CDH2: variants seen among roughly 807,000 people sequenced by gnomAD.
The protein encoded by CDH2 is cadherin 2, also known as cadherin-2.
Under a neutral mutation model 92.0 loss-of-function variants are expected in CDH2, and 17 were observed. The observed-to-expected ratio is 0.18, with a 90% CI of 0.13 to 0.28. The LOEUF (loss-of-function observed/expected upper bound fraction) is 0.28, where lower values mean the gene tolerates loss of function less well. Ranked by LOEUF, CDH2 falls within the 10% of genes least tolerant of loss-of-function variation. The probability of loss-of-function intolerance (pLI) is 1.00; values close to 1 mark genes in which losing one functional copy is unlikely to be tolerated. For missense variants in CDH2, 862 were observed against 1,133.1 expected (o/e 0.76, Z 3.44); for synonymous variants, 419 against 415.9 (o/e 1.01, Z -0.09).
At chr18:28,108,680 C>A (rs1262290268) in intron 2 of CDH2, among the ~76,000 whole-genome samples, 1 of 151,770 alleles carries the variant, frequency 6.6e-6, no homozygotes, top group African/African-American at 2.4e-5. Context: ...CAAGTTTATT[C>A]TGTGATACTA....
At chr18:28,132,645 C>G (rs910324248) in intron 2 of CDH2, among the ~76,000 whole-genome samples, 2 of 152,096 alleles carry the variant, frequency 1.3e-5, no homozygotes, top group Non-Finnish European at 2.9e-5. Flanking sequence ...TGGACTTAGC[C>G]CCTCCTAAAG....
intron 15 of CDH2, among the ~76,000 whole-genome samples, chr18:27,957,999 ATAAT>A (rs954510640): frequency 1.1e-4 from 16 of 152,316 alleles, no homozygotes; most frequent in Admixed American, 2.0e-4. Flanking sequence ...GACACCAATA[ATAAT>A]TAAGAGATTT....
intron 2 of CDH2, among the ~76,000 whole-genome samples, chr18:28,070,382 T>C (rs2014592944): frequency 6.6e-6 from 1 of 152,130 alleles, no homozygotes; most frequent in African/African-American, 2.4e-5. Flanking sequence ...CTGCTAAAGC[T>C]TGAGAAAGTA....
At chr18:28,043,497 T>A (rs1838160) in intron 2 of CDH2, among the ~76,000 whole-genome samples, 1 of 79,374 alleles carries the variant, frequency 1.3e-5, no homozygotes, top group Non-Finnish European at 2.6e-5. Context: ...TATATATAAA[T>A]ATATATATAT....
At chr18:27,979,307 T>TA (rs2011960108) in intron 14 of CDH2, among the ~76,000 whole-genome samples, 1 of 152,138 alleles carries the variant, frequency 6.6e-6, no homozygotes, top group African/African-American at 2.4e-5. Context: ...GCCTAAATTT[T>TA]AAAAGACTGA....
chr18:28,142,280 TG>T (rs1024034417), intron 2 of CDH2, among the ~76,000 whole-genome samples: 4 of 151,974 alleles, frequency 2.6e-5, no homozygotes, highest in African/African-American at 9.7e-5. Flanking sequence ...GTTCTAAGTT[TG>T]TGAGGGAAGA....
At chr18:28,140,821 A>T (rs1038645291) in intron 2 of CDH2, among the ~76,000 whole-genome samples, 18 of 150,816 alleles carry the variant, frequency 1.2e-4, no homozygotes, top group Non-Finnish European at 2.1e-4. Flanking sequence ...AAGTCTTACG[A>T]CTCAAAAACA....
intron 2 of CDH2, among the ~76,000 whole-genome samples, chr18:28,124,451 T>C (rs2015641919): frequency 6.6e-6 from 1 of 152,114 alleles, no homozygotes; most frequent in Admixed American, 6.6e-5. Context: ...TGTTTCCCAA[T>C]TTCTGTTAGC....
intron 2 of CDH2, among the ~76,000 whole-genome samples, chr18:28,093,434 G>T (rs1253167105): frequency 6.6e-6 from 1 of 151,912 alleles, no homozygotes; most frequent in Non-Finnish European, 1.5e-5. Context: ...AAAATTCTGG[G>T]AATCAATAAT....
At chr18:28,073,507 C>T (rs2014659871) in intron 2 of CDH2, among the ~76,000 whole-genome samples, 2 of 152,060 alleles carry the variant, frequency 1.3e-5, no homozygotes, top group Non-Finnish European at 1.5e-5. Context: ...AAAACTGTCC[C>T]TTACAATGAG....
chr18:28,143,564 G>T (rs1353810014), intron 2 of CDH2, among the ~76,000 whole-genome samples: 9 of 151,716 alleles, frequency 5.9e-5, no homozygotes, highest in Non-Finnish European at 1.3e-4. Flanking sequence ...TCCCCAATTC[G>T]CAAACATATC....
chr18:28,050,639 T>C (rs1031650181), intron 2 of CDH2, among the ~76,000 whole-genome samples: 2 of 152,172 alleles, frequency 1.3e-5, no homozygotes, highest in African/African-American at 4.8e-5. Context: ...TTAAAAATGT[T>C]TAAAGGGGAA....
rs544450561 is a variant in CDH2 at position 28,149,090 on chromosome 18, C to T, written c.61-1306G>A. Among the ~76,000 whole-genome samples, 6 of 152,178 alleles carry T rather than the reference C, an allele frequency of 3.9e-5. No homozygotes were observed. In the East Asian group the frequency reaches 9.7e-4, roughly 25 times the overall value. On this transcript the variant is annotated intron_variant, in intron 1 of 15. Coordinates refer to ENST00000269141, the MANE Select transcript of CDH2 (RefSeq NM_001792.5). ...GTGAAGAATAAAGAAGAACCAGTCCCCTAAAAAGGTGTGAGTGGAAGCTGG... is the reference window on the plus strand; with the variant it reads ...GTGAAGAATAAAGAAGAACCAGTCCTCTAAAAAGGTGTGAGTGGAAGCTGG...
downstream of CDH2, among the ~76,000 whole-genome samples, chr18:27,948,605 TAACTC>T (rs60321586): frequency 2.3e-3 from 342 of 151,632 alleles, 3 homozygotes; most frequent in African/African-American, 7.4e-3. Flanking sequence ...AAAACACAAA[TAACTC>T]AACAGGGAAA....
At chr18:28,113,045 C>A (rs2015437859) in intron 2 of CDH2, among the ~76,000 whole-genome samples, 1 of 152,096 alleles carries the variant, frequency 6.6e-6, no homozygotes, top group Non-Finnish European at 1.5e-5. Flanking sequence ...GATAATAAAT[C>A]TCCTTTCAAT....
Position 28,009,853 on chromosome 18 carries a change from T to C in CDH2, c.566A>G (p.Lys189Arg). 1 of 1,612,830 alleles carries C rather than the reference T, an allele frequency of 6.2e-7. No individual in the cohort carries two copies. Among genetic ancestry groups the C allele is most frequent in the South Asian group, 1.1e-5 (1 of 90,774 alleles). Residue 189 changes from lysine to arginine, a missense_variant, in exon 5 of 16, where the codon AAA (lysine) becomes AGA (arginine). Lys to Arg is a conservative substitution (Grantham distance 26). Around this residue, in one of 5 missense-constraint regions of CDH2, gnomAD observed 21 missense variants for 61.8 expected, o/e 0.34. Transcript: ENST00000269141. ...ELVRIRSDRDKNLSLRYSVTG... is the reference protein window; with the variant it reads ...ELVRIRSDRDRNLSLRYSVTG... ...TACACTGTACCGCAGTGAAAGGTTT[T>C]TATCTCTATCAGACCTGATCTGAGG...
At chr18:28,023,040 G>GT (rs1335181074) in intron 2 of CDH2, among the ~76,000 whole-genome samples, 1 of 151,888 alleles carries the variant, frequency 6.6e-6, no homozygotes, top group East Asian at 1.9e-4. Context: ...TTGAAAAAAG[G>GT]TATCTTTTTA....
At position 28,085,420 on chromosome 18, in the gene CDH2, G is replaced by A. The variant is rs72882699; in HGVS notation, c.172+62253C>T. ...CTTGTTCACCTGCTCCTCTGCACAC[G>A]CGTGATTTTCCACCTCAGTATCCTC... On this transcript the variant is annotated intron_variant, in intron 2 of 15. Transcript: ENST00000269141. Among the ~76,000 whole-genome samples the A allele has an allele frequency of 8.7e-3, 1,323 of 152,078 alleles. 6 individuals carry two copies. The highest frequency in any genetic ancestry group is 0.012 in the African/African-American group (482 of 41,506).
intron 2 of CDH2, among the ~76,000 whole-genome samples, chr18:28,052,334 A>G (rs2014208341): frequency 6.6e-6 from 1 of 152,300 alleles, no homozygotes; most frequent in Non-Finnish European, 1.5e-5. Flanking sequence ...ATGAAGAAAA[A>G]GGAATTATTA....
Sources: allele counts gnomAD v4.1 joint callset (sites outside exome capture counted in the v4.1 genomes callset), GRCh38; gene constraint gnomAD v4.1.1; regional missense constraint gnomAD v4.1.1; transcripts MANE v1.5; gene names NCBI Gene and HGNC (gene_info 2026-07-23, HGNC 2026-07-21).